Variants in ST6GAL2 observed in about 807,000 individuals in gnomAD.
ST6GAL2 encodes beta-galactoside alpha-2,6-sialyltransferase 2.
In ST6GAL2, 24 loss-of-function variants were observed where a neutral mutation model predicts 37.5. The ratio of observed to expected loss-of-function variants is 0.64; its 90% CI spans 0.46 to 0.90. The LOEUF (loss-of-function observed/expected upper bound fraction) is 0.90, where lower values mean the gene tolerates loss of function less well. Ranked by LOEUF, ST6GAL2 falls within the 40% of genes least tolerant of loss-of-function variation. The pLI is 0.00. For missense variants in ST6GAL2, 715 were observed against 712.7 expected (o/e 1.00, Z -0.04); for synonymous variants, 306 against 295.1 (o/e 1.04, Z -0.38).
At chr2:106,824,107 CAA>C (rs1447206698) in intron 5 of ST6GAL2, among the ~76,000 whole-genome samples, 3 of 152,150 alleles carry the variant, frequency 2.0e-5, no homozygotes, top group Admixed American at 1.3e-4. Context: ...TTGCTTTTTG[CAA>C]ACTTATACCC....
chr2:106,839,631 A>G (rs569567087), intron 2 of ST6GAL2, among the ~76,000 whole-genome samples: 8 of 152,214 alleles, frequency 5.3e-5, no homozygotes, highest in Non-Finnish European at 7.4e-5. Flanking sequence ...CCACCAGTCT[A>G]TGCATCCCAC....
chr2:106,868,614 T>G (rs1371321492), intron 1 of ST6GAL2, among the ~76,000 whole-genome samples: 1 of 152,182 alleles, frequency 6.6e-6, no homozygotes, highest in Admixed American at 6.5e-5. Flanking sequence ...CTGCTAATAC[T>G]TAGAACTGCC....
intron 1 of ST6GAL2, among the ~76,000 whole-genome samples, chr2:106,865,008 T>G (rs1677964125): frequency 6.6e-6 from 1 of 152,094 alleles, no homozygotes; most frequent in Admixed American, 6.6e-5. Context: ...ATAGCCAATT[T>G]CAAACTACCA....
Position 106,843,406 on chromosome 2 carries a change from T to G in ST6GAL2, c.572A>C (p.Asp191Ala). 6.2e-7 allele frequency: 1 copy of G among 1,614,030 alleles called. No individual in the cohort carries two copies. Among genetic ancestry groups the G allele is most frequent in the Non-Finnish European group, 8.5e-7 (1 of 1,179,992 alleles). ...RRSHVLEEGD[D>A]GDRLYSSMSR... is the part of the protein sequence containing the mutation. ...CATGGAGGAGTACAGCCTGTCGCCG[T>G]CGTCGCCCTCCTCCAACACGTGGCT... Residue 191 changes from aspartate (D) to alanine (A), a missense_variant, in exon 2 of 6, where the codon GAC (aspartate) becomes GCC (alanine). This residue lies in a region of ST6GAL2 where 512 missense variants were observed against 488.8 expected (regional missense o/e 1.05). Coordinates refer to ENST00000409382, the MANE Select transcript of ST6GAL2 (RefSeq NM_001142351.2).
chr2:106,863,160 A>G (rs1677878726), intron 1 of ST6GAL2, among the ~76,000 whole-genome samples: 2 of 152,172 alleles, frequency 1.3e-5, no homozygotes, highest in Non-Finnish European at 2.9e-5. Context: ...CGAGTTACCT[A>G]TGGTTACAAA....
At chr2:106,857,507 G>A (rs1225168237) in intron 1 of ST6GAL2, among the ~76,000 whole-genome samples, 1 of 152,108 alleles carries the variant, frequency 6.6e-6, no homozygotes, top group African/African-American at 2.4e-5. Flanking sequence ...GGGAGGCTGA[G>A]GCAGGAGAAT....
chr2:106,844,067 T>A (rs1198759061), intron 1 of ST6GAL2, 33 bp from the exon 2 acceptor site: 4 of 1,040,524 alleles, frequency 3.8e-6, no homozygotes, highest in Non-Finnish European at 5.6e-6. Flanking sequence ...TTAGCCAACA[T>A]GGGGCATCTG....
intron 1 of ST6GAL2, among the ~76,000 whole-genome samples, chr2:106,878,075 C>A (rs1678582126): frequency 6.6e-6 from 1 of 152,258 alleles, no homozygotes; most frequent in African/African-American, 2.4e-5. Flanking sequence ...TAACCCTCTG[C>A]ATCCGCAGGT....
At position 106,804,012 on chromosome 2, in the gene ST6GAL2, T is replaced by G. The variant is rs993267332; in HGVS notation, c.*2666A>C. 6.6e-6 allele frequency: 1 copy of G among 152,188 alleles called. No individual in the cohort carries two copies. Among genetic ancestry groups the G allele is most frequent in the African/African-American group, 2.4e-5 (1 of 41,456 alleles). The allele number at this position is 152,188 out of a possible 1,614,324, so 9.4% of individuals were successfully genotyped here. A position where few individuals can be genotyped will look rare whatever the true frequency, so the allele number is the denominator to read the frequency against. Reference sequence around the variant, plus strand: ...ACATTTTCTTAGAAGCCAAAGAACTTAAACTTTTATAGAAGAACGCCCAGT... The same window carrying G: ...ACATTTTCTTAGAAGCCAAAGAACTGAAACTTTTATAGAAGAACGCCCAGT... On this transcript the variant is annotated 3_prime_UTR_variant, in exon 6 of 6. Coordinates refer to ENST00000409382, the MANE Select transcript of ST6GAL2 (RefSeq NM_001142351.2).
chr2:106,855,649 G>A (rs1224058996), intron 1 of ST6GAL2, among the ~76,000 whole-genome samples: 2 of 151,888 alleles, frequency 1.3e-5, no homozygotes, highest in Non-Finnish European at 2.9e-5. Flanking sequence ...TTACATCTAG[G>A]TACATAAACT....
chr2:106,843,587 A>G lies in ST6GAL2; in HGVS notation c.391T>C (p.Tyr131His). The G allele has an allele frequency of 6.2e-7, 1 of 1,614,034 alleles. No individual in the cohort carries two copies. ...CCTGGCTGACCAGCAGCAAAAAAGT[A>G]GTCGTCATCCTCCGGGTAGAAAGCA... ...QSAFYPEDDDYFFAAGQPGWH... is the reference protein window; with the variant it reads ...QSAFYPEDDDHFFAAGQPGWH... The change falls in exon 2 of 6, where the codon TAC (tyrosine) becomes CAC (histidine). Residue 131 changes from tyrosine to histidine, a missense_variant. By Grantham distance (83) the Tyr-to-His change is moderately conservative. Around this residue, in one of 3 missense-constraint regions of ST6GAL2, gnomAD observed 512 missense variants for 488.8 expected, o/e 1.05. Transcript: ENST00000409382.
Position 106,802,925 on chromosome 2 carries a change from C to T in ST6GAL2, c.*3753G>A, listed in dbSNP as rs1276754551. ...TCTATAAGAAAAACTGGAGAGAGAACTTGAATCATGGCATTTGTGCGTATG... is the reference window on the plus strand; with the variant it reads ...TCTATAAGAAAAACTGGAGAGAGAATTTGAATCATGGCATTTGTGCGTATG... On this transcript the variant is annotated 3_prime_UTR_variant, in exon 6 of 6. Transcript: ENST00000409382. The T allele has an allele frequency of 6.6e-6, 1 of 152,134 alleles. No individual in the cohort carries two copies. The highest frequency in any genetic ancestry group is 6.5e-5 in the Admixed American group (1 of 15,272). 9.4% of individuals were successfully genotyped at this position (152,134 alleles called of 1,614,324 possible).
In ST6GAL2 at chr2:106,843,730, G is replaced by T. The variant is rs564025581; in HGVS notation, c.248C>A (p.Ala83Asp). The T allele has an allele frequency of 6.2e-7, 1 of 1,612,212 alleles. No homozygotes were observed. Among genetic ancestry groups the T allele is most frequent in the Non-Finnish European group, 8.5e-7 (1 of 1,179,648 alleles). Residue 83 changes from alanine to aspartate, a missense_variant, in exon 2 of 6, where the codon GCC (alanine) becomes GAC (aspartate). By Grantham distance (126) the Ala-to-Asp change is moderately radical. Transcript: ENST00000409382. The part of the protein sequence containing the change: ...GLDARQALPR[A>D]HPAGSFHAGP... ...CGCATGAAAGGAACCGGCTGGGTGG[G>T]CGCGGGGCAGCGCCTGGCGTGCGTC...
chr2:106,813,186 C>A, intron 5 of ST6GAL2: 1 of 1,356,262 alleles, frequency 7.4e-7, no homozygotes, highest in Non-Finnish European at 9.5e-7. Flanking sequence ...GATCTCGGCT[C>A]ACTGCAAGCT....
At chr2:106,838,274 T>A (rs921945636) in intron 2 of ST6GAL2, among the ~76,000 whole-genome samples, 2 of 152,100 alleles carry the variant, frequency 1.3e-5, no homozygotes, top group Admixed American at 6.5e-5. Context: ...GAAGGAAAAT[T>A]AAAGCCCTTC....
chr2:106,886,044 G>C (rs897727747), intron 1 of ST6GAL2, 49 bp downstream of exon 1: 3 of 152,328 alleles, frequency 2.0e-5, no homozygotes, highest in Non-Finnish European at 2.9e-5. Flanking sequence ...GGAGGCTGCA[G>C]CGCCACCAAG....
chr2:106,852,598 T>A (rs533540115), intron 1 of ST6GAL2, among the ~76,000 whole-genome samples: 1 of 152,244 alleles, frequency 6.6e-6, no homozygotes, highest in South Asian at 2.1e-4. Flanking sequence ...CTGCAATCAA[T>A]GAATGTCTGA....
chr2:106,843,319 C>A lies in ST6GAL2; in HGVS notation c.659G>T (p.Arg220Leu), dbSNP rs1488876821. Residue 220 changes from arginine to leucine, a missense_variant, in exon 2 of 6, where the codon CGC becomes CTC. Around this residue, in one of 3 missense-constraint regions of ST6GAL2, gnomAD observed 512 missense variants for 488.8 expected, o/e 1.05. Transcript: ENST00000409382. ...GTAATCCTTCATCGCCTTCTGCAGGCGCGGGTTCAGCATTTTGGAAGAGAC... is the reference window on the plus strand; with the variant it reads ...GTAATCCTTCATCGCCTTCTGCAGGAGCGGGTTCAGCATTTTGGAAGAGAC... ...GNVSSKMLNP[R>L]LQKAMKDYLT... The A allele has an allele frequency of 6.2e-7, 1 of 1,613,752 alleles. No individual in the cohort carries two copies. The highest frequency in any genetic ancestry group is 1.3e-5 in the African/African-American group (1 of 74,940).
Position 106,805,394 on chromosome 2 carries a change from T to C in ST6GAL2, c.*1284A>G, listed in dbSNP as rs1038639939. On this transcript the variant is annotated 3_prime_UTR_variant, in exon 6 of 6. Transcript: ENST00000409382. ...AAATTTTTCAATGTATCAGTGACAGTTGAGATTAAAGAAAAAATCAACCCT... is the reference window on the plus strand; with the variant it reads ...AAATTTTTCAATGTATCAGTGACAGCTGAGATTAAAGAAAAAATCAACCCT... The C allele has an allele frequency of 3.3e-5, 5 of 152,220 alleles. No individual in the cohort carries two copies. The highest frequency in any genetic ancestry group is 7.3e-5 in the Non-Finnish European group (5 of 68,044). The allele number at this position is 152,220 out of a possible 1,614,324, so 9.4% of individuals were successfully genotyped here. A position where few individuals can be genotyped will look rare whatever the true frequency, so the allele number is the denominator to read the frequency against.
Sources: gnomAD v4.1 joint callset for allele counts (sites outside exome capture counted in the v4.1 genomes callset) on GRCh38, gnomAD v4.1.1 for gene constraint, gnomAD v4.1.1 regional missense constraint, MANE v1.5 for transcripts, NCBI Gene and HGNC (gene_info 2026-07-23, HGNC 2026-07-21) for gene names.